The following NRG3 variants were observed in gnomAD, a reference collection of about 807,000 sequenced individuals.
NRG3 encodes the protein pro-neuregulin-3, membrane-bound isoform.
In NRG3, 31 loss-of-function variants were observed where a neutral mutation model predicts 66.9. The ratio of observed to expected loss-of-function variants is 0.46; its 90% CI spans 0.35 to 0.63. The LOEUF (loss-of-function observed/expected upper bound fraction) is 0.63, where lower values mean the gene tolerates loss of function less well. Ranked by LOEUF, NRG3 falls within the 20% of genes least tolerant of loss-of-function variation. The pLI is 0.00. For missense variants in NRG3, 910 were observed against 878.9 expected, an observed-to-expected ratio of 1.04 and a Z score of -0.45; for synonymous variants, 393 against 359.4, an observed-to-expected ratio of 1.09 and a Z score of -1.06.
intron 2 of NRG3, among the ~76,000 whole-genome samples, chr10:82,523,295 T>G (rs1846378239): frequency 1.3e-5 from 2 of 152,190 alleles, no homozygotes; most frequent in South Asian, 4.1e-4. Context: ...ATTACTGTAC[T>G]ATATGGTAAC....
intron 2 of NRG3, among the ~76,000 whole-genome samples, chr10:82,612,034 T>C (rs1463224617): frequency 6.6e-6 from 1 of 152,248 alleles, no homozygotes; most frequent in East Asian, 1.9e-4. Context: ...ATGAGCTTTT[T>C]TTCATGTGTC....
At chr10:81,970,880 C>T (rs1479018814) in intron 1 of NRG3, among the ~76,000 whole-genome samples, 1 of 152,172 alleles carries the variant, frequency 6.6e-6, no homozygotes, top group Non-Finnish European at 1.5e-5. Flanking sequence ...TGACTCATGC[C>T]TGTAATCCCA....
chr10:82,099,388 G>T (rs1385711111), intron 1 of NRG3, among the ~76,000 whole-genome samples: 1 of 152,138 alleles, frequency 6.6e-6, no homozygotes, highest in Admixed American at 6.5e-5. Flanking sequence ...TCTTTCTGGA[G>T]CCTATTCAAT....
chr10:82,152,210 C>T (rs1473514745), intron 1 of NRG3, among the ~76,000 whole-genome samples: 1 of 152,120 alleles, frequency 6.6e-6, no homozygotes, highest in African/African-American at 2.4e-5. Context: ...CAAAAAGGGA[C>T]AGCAAATAAG....
chr10:82,945,633 A>G (rs1206274136), intron 4 of NRG3, among the ~76,000 whole-genome samples: 1 of 151,148 alleles, frequency 6.6e-6, no homozygotes, highest in African/African-American at 2.4e-5. Flanking sequence ...CACTCTTGTG[A>G]TAACTAACCC....
chr10:82,037,509 C>T (rs1457103662), intron 1 of NRG3, among the ~76,000 whole-genome samples: 2 of 152,154 alleles, frequency 1.3e-5, no homozygotes, highest in Non-Finnish European at 2.9e-5. Context: ...AGAAAATTCT[C>T]TCCTTTTCCC....
chr10:82,066,961 G>T (rs1462523901), intron 1 of NRG3, among the ~76,000 whole-genome samples: 4 of 152,126 alleles, frequency 2.6e-5, no homozygotes, highest in African/African-American at 9.7e-5. Flanking sequence ...TAAGTAACTT[G>T]AGTAACTCCT....
At chr10:82,766,592 T>C (rs573191285) in intron 3 of NRG3, among the ~76,000 whole-genome samples, 2 of 152,298 alleles carry the variant, frequency 1.3e-5, no homozygotes, top group East Asian at 3.9e-4. Flanking sequence ...TCTTATCCTT[T>C]CTGTGGTCTT....
intron 1 of NRG3, among the ~76,000 whole-genome samples, chr10:81,976,791 C>T (rs1310317244): frequency 6.6e-6 from 1 of 152,152 alleles, no homozygotes; most frequent in Non-Finnish European, 1.5e-5. Context: ...TTCTATTGGA[C>T]ATTAAATTCT....
At chr10:82,798,690 C>T (rs951525721) in intron 3 of NRG3, among the ~76,000 whole-genome samples, 2 of 152,144 alleles carry the variant, frequency 1.3e-5, no homozygotes, top group East Asian at 3.9e-4. Context: ...TCCCAGATTC[C>T]TTAGAAACTA....
chr10:82,350,440 G>C (rs6584663), intron 1 of NRG3, among the ~76,000 whole-genome samples: 58,122 of 152,066 alleles, frequency 0.38, 16,266 homozygotes, highest in African/African-American at 0.78. Context: ...GTATGGAGAA[G>C]GAACATGTAA....
intron 2 of NRG3, among the ~76,000 whole-genome samples, chr10:82,662,372 A>C (rs2052434400): frequency 2.0e-5 from 3 of 152,146 alleles, no homozygotes; most frequent in Admixed American, 6.5e-5. Flanking sequence ...AAAAAAAAAA[A>C]ATCATGAATT....
chr10:82,984,789 G>A (rs77117498), intron 8 of NRG3: 2 of 1,551,778 alleles, frequency 1.3e-6, no homozygotes, highest in Non-Finnish European at 1.7e-6. Flanking sequence ...CTAGGATAGA[G>A]GTCAGGAAGA....
chr10:82,973,911 C>T lies in NRG3; in HGVS notation c.1408C>T (p.His470Tyr), dbSNP rs1490298485. ...CAGAGGAAGCCAGTCTGTCAAACAC[C>T]ACAGGTACAAGTAGCTCATCATGGT... Reference protein sequence around the residue: ...PDRGSQSVKHHRSLSSCCSPG... With the variant: ...PDRGSQSVKHYRSLSSCCSPG... Residue 470 changes from histidine (H) to tyrosine (Y), a missense_variant, in exon 7 of 9, where the codon CAC becomes TAC. His to Tyr is a moderately conservative substitution (Grantham distance 83). Transcript: ENST00000372141. The T allele has an allele frequency of 6.2e-7, 1 of 1,613,922 alleles. No homozygotes were observed. The highest frequency in any genetic ancestry group is 1.7e-5 in the Admixed American group (1 of 60,006).
At chr10:82,939,799 C>T (rs1848433258) in intron 4 of NRG3, among the ~76,000 whole-genome samples, 1 of 151,730 alleles carries the variant, frequency 6.6e-6, no homozygotes, top group Admixed American at 6.6e-5. Flanking sequence ...TAGTATTATG[C>T]AGTTGACTGC....
chr10:82,355,607 G>A (rs1589830904), intron 1 of NRG3, among the ~76,000 whole-genome samples: 1 of 151,880 alleles, frequency 6.6e-6, no homozygotes, highest in African/African-American at 2.4e-5. Context: ...ATTTAGTCAA[G>A]AAAAATCTAA....
At chr10:82,153,680 A>G (rs1408301299) in intron 1 of NRG3, among the ~76,000 whole-genome samples, 3 of 152,036 alleles carry the variant, frequency 2.0e-5, no homozygotes, top group South Asian at 2.1e-4. Flanking sequence ...ATTTCTATCA[A>G]CAGTGTACAA....
chr10:81,876,348 G>T (rs376625668), intron 1 of NRG3, among the ~76,000 whole-genome samples, 185 bp downstream of exon 1: 2 of 152,070 alleles, frequency 1.3e-5, no homozygotes, highest in Non-Finnish European at 2.9e-5. Flanking sequence ...CTCTGGTTCT[G>T]GGGGGGTGGG....
chr10:82,564,347 T>A (rs747360077), intron 2 of NRG3, among the ~76,000 whole-genome samples: 2 of 152,206 alleles, frequency 1.3e-5, no homozygotes, highest in Non-Finnish European at 2.9e-5. Flanking sequence ...GATTAAAACT[T>A]CCATTTTATC....
Sources: gnomAD v4.1 joint callset for allele counts (sites outside exome capture counted in the v4.1 genomes callset) on GRCh38, gnomAD v4.1.1 for gene constraint, MANE v1.5 for transcripts, NCBI Gene and HGNC (gene_info 2026-07-23, HGNC 2026-07-21) for gene names.